Variants in CAMTA1 observed in about 807,000 individuals in gnomAD.
CAMTA1 encodes the protein calmodulin binding transcription activator 1, also known as calmodulin-binding transcription activator 1.
In CAMTA1, 27 loss-of-function variants were observed where a neutral mutation model predicts 170.9. The ratio of observed to expected loss-of-function variants is 0.16; its 90% CI spans 0.12 to 0.22. CAMTA1 has a LOEUF of 0.22. Ranked by LOEUF, CAMTA1 falls within the 10% of genes least tolerant of loss-of-function variation. The pLI is 1.00. For missense variants in CAMTA1, 1,619 were observed against 2,217.2 expected, an observed-to-expected ratio of 0.73 and a Z score of 5.42; for synonymous variants, 833 against 891.5, an observed-to-expected ratio of 0.93 and a Z score of 1.17.
chr1:7,005,406 C>A (rs1020716993), intron 3 of CAMTA1, among the ~76,000 whole-genome samples: 9 of 152,218 alleles, frequency 5.9e-5, no homozygotes, highest in African/African-American at 2.2e-4. Context: ...AATAGTTTAT[C>A]AATCCATCTG....
At chr1:7,295,562 A>G (rs1008651409) in intron 5 of CAMTA1, among the ~76,000 whole-genome samples, 3 of 152,228 alleles carry the variant, frequency 2.0e-5, no homozygotes, top group African/African-American at 7.2e-5. Context: ...GTATATTCCA[A>G]ATTACTTCCA....
At chr1:7,499,112 T>C (rs111067964) in intron 6 of CAMTA1, among the ~76,000 whole-genome samples, 135 of 86,056 alleles carry the variant, frequency 1.6e-3, no homozygotes, top group Middle Eastern at 0.012. Context: ...AGTGAGTGTG[T>C]AGAGAGGATG....
At chr1:7,232,840 C>A (rs116058177) in intron 4 of CAMTA1, among the ~76,000 whole-genome samples, 1 of 152,126 alleles carries the variant, frequency 6.6e-6, no homozygotes, top group South Asian at 2.1e-4. Flanking sequence ...CATTGATTGG[C>A]CTTTCGCGTG....
chr1:7,255,938 C>T (rs1436144064), intron 5 of CAMTA1, among the ~76,000 whole-genome samples: 1 of 152,198 alleles, frequency 6.6e-6, no homozygotes, highest in African/African-American at 2.4e-5. Context: ...TGGCTTCAAG[C>T]CCTGCTGGTT....
At chr1:7,636,535 G>A (rs1167047775) in intron 6 of CAMTA1, among the ~76,000 whole-genome samples, 3 of 152,114 alleles carry the variant, frequency 2.0e-5, no homozygotes, top group African/African-American at 7.2e-5. Context: ...TGGCCAACGT[G>A]GTGAAACCCC....
chr1:7,696,158 C>G (rs947701403), intron 11 of CAMTA1, among the ~76,000 whole-genome samples: 5 of 149,684 alleles, frequency 3.3e-5, no homozygotes, highest in African/African-American at 1.2e-4. Flanking sequence ...ACACTTGTTT[C>G]TCTTTAATTA....
intron 5 of CAMTA1, among the ~76,000 whole-genome samples, chr1:7,323,913 A>G (rs1202035237): frequency 6.6e-6 from 1 of 152,178 alleles, no homozygotes; most frequent in East Asian, 1.9e-4. Context: ...CTCAAATTTG[A>G]TGAGACTTGA....
At chr1:6,979,106 G>T (rs975730135) in intron 3 of CAMTA1, among the ~76,000 whole-genome samples, 2 of 152,160 alleles carry the variant, frequency 1.3e-5, no homozygotes, top group Admixed American at 1.3e-4. Context: ...GAGGGAGTGC[G>T]GAGGACAGCA....
chr1:7,001,747 C>T (rs1698230032), intron 3 of CAMTA1, among the ~76,000 whole-genome samples: 2 of 152,212 alleles, frequency 1.3e-5, no homozygotes, highest in South Asian at 2.1e-4. Context: ...AACACTGCAT[C>T]ACCAACGTGG....
chr1:7,595,118 C>G (rs1231608180), intron 6 of CAMTA1, among the ~76,000 whole-genome samples: 1 of 152,196 alleles, frequency 6.6e-6, no homozygotes, highest in Non-Finnish European at 1.5e-5. Context: ...GAAGAGGGGT[C>G]TTTCAGGATA....
At chr1:7,600,036 CT>C (rs2095428253) in intron 6 of CAMTA1, among the ~76,000 whole-genome samples, 1 of 152,166 alleles carries the variant, frequency 6.6e-6, no homozygotes, top group African/African-American at 2.4e-5. Flanking sequence ...AAAGGGAATG[CT>C]TCCAGTTTTT....
At chr1:7,616,714 G>A (rs1306649806) in intron 6 of CAMTA1, among the ~76,000 whole-genome samples, 1 of 152,180 alleles carries the variant, frequency 6.6e-6, no homozygotes, top group Non-Finnish European at 1.5e-5. Context: ...AGCAGGCAGA[G>A]GGAGAAGCGT....
intron 6 of CAMTA1, among the ~76,000 whole-genome samples, chr1:7,501,606 G>A (rs1037648153): frequency 7.7e-6 from 1 of 130,342 alleles, no homozygotes; most frequent in Non-Finnish European, 1.7e-5. Context: ...TTTGAAATTC[G>A]GATAAACAAC....
At chr1:7,568,806 CATCACCATCATCGTCATCACCAA>C (rs1195785923) in intron 6 of CAMTA1, among the ~76,000 whole-genome samples, 18 of 151,272 alleles carry the variant, frequency 1.2e-4, no homozygotes, top group Admixed American at 3.9e-4. Context: ...CCATCATCAA[CATCACCATCATCGTCATCACCAA>C]ATCACCATCA....
chr1:7,515,159 C>T (rs553027181), intron 6 of CAMTA1, among the ~76,000 whole-genome samples: 47 of 151,588 alleles, frequency 3.1e-4, no homozygotes, highest in African/African-American at 1.1e-3. Flanking sequence ...TGGTCCTCCC[C>T]GGCTCCCTCC....
chr1:6,914,418 C>G (rs1680358499), intron 3 of CAMTA1, among the ~76,000 whole-genome samples: 1 of 152,194 alleles, frequency 6.6e-6, no homozygotes, highest in Non-Finnish European at 1.5e-5. Flanking sequence ...GACTTTTTCA[C>G]TGTTCTACCT....
Position 6,830,405 on chromosome 1 carries a change from G to A in CAMTA1, c.234+5195G>A, listed in dbSNP as rs1292428799. ...GTTACCCAGGCTGGAGTGCAATGACGTGATCTCAGCTCACTGCAACCTCCA... is the reference window on the plus strand; with the variant it reads ...GTTACCCAGGCTGGAGTGCAATGACATGATCTCAGCTCACTGCAACCTCCA... On this transcript the variant is annotated intron_variant, in intron 3 of 22. Coordinates refer to ENST00000303635, the MANE Select transcript of CAMTA1 (RefSeq NM_015215.4). 2.0e-5 allele frequency among the ~76,000 whole-genome samples: 3 copies of A among 148,432 alleles called. No individual in the cohort carries two copies. The Admixed American group carries it at 2.0e-4, about 10-fold the overall frequency.
At chr1:6,873,253 A>AT (rs111838038) in intron 3 of CAMTA1, among the ~76,000 whole-genome samples, 2,484 of 144,988 alleles carry the variant, frequency 0.017, 26 homozygotes, top group Admixed American at 0.024. Context: ...TTTTAAGGTG[A>AT]TTTTTTTTTT....
At position 7,640,344 on chromosome 1, in the gene CAMTA1, T is replaced by C. The variant is rs2095751340; in HGVS notation, c.511-56T>C. 4 of 1,602,472 alleles carry C rather than the reference T, an allele frequency of 2.5e-6. No individual in the cohort carries two copies. The East Asian group carries it at 6.7e-5, about 27-fold the overall frequency. ...GCACCTGCGGGGTTGGGGGCGGCCC[T>C]GACCCTGGTGGGCTCCATGCCACCC... On this transcript the variant is annotated intron_variant, in intron 6 of 22. Transcript: ENST00000303635.
Sources: gnomAD v4.1 joint callset for allele counts (sites outside exome capture counted in the v4.1 genomes callset) on GRCh38, gnomAD v4.1.1 for gene constraint, MANE v1.5 for transcripts, NCBI Gene and HGNC (gene_info 2026-07-23, HGNC 2026-07-21) for gene names.